Variants in LHFPL3 observed in about 807,000 individuals in gnomAD.
LHFPL3 encodes LHFPL tetraspan subfamily member 3 protein.
In LHFPL3, 5 loss-of-function variants were observed where a neutral mutation model predicts 19.3. The ratio of observed to expected loss-of-function variants is 0.26; its 90% CI spans 0.14 to 0.54. The LOEUF is 0.54. LHFPL3 is among the 20% of genes least tolerant of loss of function. The pLI, the probability that LHFPL3 is intolerant of heterozygous loss-of-function variation, is 0.94. For synonymous variants in LHFPL3, 133 were observed against 126.2 expected (o/e 1.05, Z -0.36); for missense variants, 249 against 307.4 (o/e 0.81, Z 1.42).
In LHFPL3 at chr7:104,402,095, A is replaced by AAAC. The variant is rs556978906; in HGVS notation, c.445+72873_445+72874insCAA. ...AGAAATAACCGTATAAACTAAAAAAAAAAAAACAAAAAACAACAAAAACAA... is the reference window on the plus strand; with the variant it reads ...AGAAATAACCGTATAAACTAAAAAAAAACAAAAAACAAAAAACAACAAAAACAA... On this transcript the variant is annotated intron_variant, in intron 1 of 2. Transcript: ENST00000424859. 1.9e-4 allele frequency among the ~76,000 whole-genome samples: 29 copies of AAAC among 152,078 alleles called. No individual in the cohort carries two copies. The East Asian group carries it at 2.5e-3, about 13-fold the overall frequency.
At chr7:104,512,174 CA>C (rs1331411947) in intron 1 of LHFPL3, among the ~76,000 whole-genome samples, 1 of 151,860 alleles carries the variant, frequency 6.6e-6, no homozygotes, top group African/African-American at 2.4e-5. Context: ...AGACTGGTCT[CA>C]AAGTCCCAGC....
chr7:104,700,744 C>T (rs1294245166), intron 1 of LHFPL3, among the ~76,000 whole-genome samples: 1 of 152,122 alleles, frequency 6.6e-6, no homozygotes, highest in Non-Finnish European at 1.5e-5. Flanking sequence ...TAAATTCATG[C>T]CATATTTTAG....
chr7:104,367,447 CA>C (rs1790516130), intron 1 of LHFPL3, among the ~76,000 whole-genome samples: 5 of 152,152 alleles, frequency 3.3e-5, no homozygotes, highest in Admixed American at 6.5e-5. Flanking sequence ...TTGTTGTACT[CA>C]AACTTCTGTG....
chr7:104,870,008 G>A (rs1006834573), intron 2 of LHFPL3, among the ~76,000 whole-genome samples: 26 of 151,746 alleles, frequency 1.7e-4, no homozygotes, highest in East Asian at 7.7e-4. Flanking sequence ...ACCAAACGCC[G>A]CATGTTCTCA....
At chr7:104,807,216 G>A (rs577489116) in intron 2 of LHFPL3, among the ~76,000 whole-genome samples, 25 of 152,212 alleles carry the variant, frequency 1.6e-4, no homozygotes, top group Admixed American at 6.5e-4. Flanking sequence ...AGACAGACAT[G>A]CACAGAGAGA....
At chr7:104,856,507 C>G (rs1228834057) in intron 2 of LHFPL3, among the ~76,000 whole-genome samples, 1 of 152,130 alleles carries the variant, frequency 6.6e-6, no homozygotes, top group Non-Finnish European at 1.5e-5. Context: ...CTCAGCCTCC[C>G]AAAGTGCTGG....
chr7:104,853,493 AAT>A (rs145146866), intron 2 of LHFPL3, among the ~76,000 whole-genome samples: 2,340 of 152,278 alleles, frequency 0.015, 71 homozygotes, highest in African/African-American at 0.051. Flanking sequence ...CAGGGACAAA[AAT>A]GCAGACTGCG....
chr7:104,740,325 C>T (rs190251466), intron 2 of LHFPL3, among the ~76,000 whole-genome samples: 1 of 152,288 alleles, frequency 6.6e-6, no homozygotes, highest in African/African-American at 2.4e-5. Flanking sequence ...TAATGAACAA[C>T]AAGAGCATTA....
intron 2 of LHFPL3, among the ~76,000 whole-genome samples, chr7:104,813,441 G>A (rs772388678): frequency 1.3e-5 from 2 of 152,162 alleles, no homozygotes; most frequent in African/African-American, 2.4e-5. Context: ...TTTTCTGGTC[G>A]GAAAACTCTG....
At chr7:104,666,739 G>A (rs1200591824) in intron 1 of LHFPL3, among the ~76,000 whole-genome samples, 2 of 151,064 alleles carry the variant, frequency 1.3e-5, no homozygotes, top group Admixed American at 6.6e-5. Flanking sequence ...AGCCGGGATG[G>A]TCTCGATCTC....
intron 2 of LHFPL3, among the ~76,000 whole-genome samples, chr7:104,840,311 T>TC (rs1430560277): frequency 1.4e-5 from 2 of 145,474 alleles, no homozygotes; most frequent in Non-Finnish European, 3.0e-5. Flanking sequence ...GGGTTTTCTT[T>TC]TTTTTTTTTT....
At chr7:104,752,038 C>T (rs923514429) in intron 2 of LHFPL3, among the ~76,000 whole-genome samples, 2 of 152,130 alleles carry the variant, frequency 1.3e-5, no homozygotes, top group African/African-American at 2.4e-5. Context: ...GTTCAGCCGG[C>T]GGCCAGTATT....
chr7:104,725,049 A>G (rs905447560), intron 1 of LHFPL3, among the ~76,000 whole-genome samples: 1 of 152,200 alleles, frequency 6.6e-6, no homozygotes, highest in Non-Finnish European at 1.5e-5. Context: ...GTACTGTTGT[A>G]TATTATTTCA....
intron 2 of LHFPL3, among the ~76,000 whole-genome samples, chr7:104,852,796 C>T (rs1421935591): frequency 6.6e-6 from 1 of 152,220 alleles, no homozygotes; most frequent in Non-Finnish European, 1.5e-5. Flanking sequence ...GAGCATGGGG[C>T]ATGGGGGCAT....
At position 104,907,729 on chromosome 7, in the gene LHFPL3, G is replaced by A. The variant is rs1792648289; in HGVS notation, c.*1514G>A. On this transcript the variant is annotated 3_prime_UTR_variant, in exon 3 of 3. Coordinates refer to ENST00000424859, the MANE Select transcript of LHFPL3 (RefSeq NM_199000.3). The stretch of plus-strand genomic sequence containing the variant: ...GTATATCACTAGAACATCAGATGGA[G>A]GATAACACAAGAAGTGATACAGATC... Among the ~76,000 whole-genome samples the A allele has an allele frequency of 1.3e-5, 2 of 152,242 alleles. No individual in the cohort carries two copies. Among genetic ancestry groups the A allele is most frequent in the African/African-American group, 4.8e-5 (2 of 41,542 alleles).
intron 1 of LHFPL3, among the ~76,000 whole-genome samples, chr7:104,521,570 G>T (rs1794064379): frequency 2.0e-5 from 3 of 151,942 alleles, no homozygotes; most frequent in Admixed American, 1.3e-4. Context: ...CTTCTGCACA[G>T]CAAAAGAAAC....
chr7:104,782,410 G>A (rs1047953086), intron 2 of LHFPL3, among the ~76,000 whole-genome samples: 3 of 152,118 alleles, frequency 2.0e-5, no homozygotes, highest in African/African-American at 7.2e-5. Context: ...CGGATTCAAG[G>A]GTAGTAAATA....
At chr7:104,488,402 T>C (rs1197986415) in intron 1 of LHFPL3, among the ~76,000 whole-genome samples, 1 of 151,990 alleles carries the variant, frequency 6.6e-6, no homozygotes, top group East Asian at 1.9e-4. Context: ...TCACTTTTCC[T>C]TGGAGAGTGG....
intron 1 of LHFPL3, among the ~76,000 whole-genome samples, chr7:104,532,620 T>C (rs971586331): frequency 1.3e-5 from 2 of 152,168 alleles, no homozygotes; most frequent in Non-Finnish European, 2.9e-5. Context: ...AAGTACCCCA[T>C]CTTCCTACAC....
Sources: allele counts gnomAD v4.1 joint callset (sites outside exome capture counted in the v4.1 genomes callset), GRCh38; gene constraint gnomAD v4.1.1; transcripts MANE v1.5; gene names NCBI Gene and HGNC (gene_info 2026-07-23, HGNC 2026-07-21).